Variants in ELK3 observed in about 807,000 individuals in gnomAD.
The protein encoded by ELK3 is ETS domain-containing protein Elk-3.
In ELK3, 10 loss-of-function variants were observed where a neutral mutation model predicts 28.9. The ratio of observed to expected loss-of-function variants is 0.35; its 90% confidence interval spans 0.21 to 0.59. The LOEUF (loss-of-function observed/expected upper bound fraction) is 0.59. Ranked by LOEUF, ELK3 falls within the 20% of genes least tolerant of loss-of-function variation. The probability of loss-of-function intolerance (pLI) is 0.82; values close to 1 mark genes in which losing one functional copy is unlikely to be tolerated. For synonymous variants in ELK3, 272 were observed against 243.5 expected (o/e 1.12, Z -1.09); for missense variants, 463 against 517.3 (o/e 0.90, Z 1.02).
At chr12:96,244,490 G>T (rs1951843141) in intron 2 of ELK3, among the ~76,000 whole-genome samples, 1 of 144,400 alleles carries the variant, frequency 6.9e-6, no homozygotes, top group African/African-American at 2.6e-5. Flanking sequence ...AGTTATTTAA[G>T]ACTTGTTAGA....
chr12:96,238,357 A>C (rs565967687), intron 2 of ELK3, among the ~76,000 whole-genome samples: 39 of 151,592 alleles, frequency 2.6e-4, no homozygotes, highest in Admixed American at 2.1e-3. Context: ...ATGTTCAGTA[A>C]CTTTCCCAAG....
intron 2 of ELK3, among the ~76,000 whole-genome samples, chr12:96,228,824 C>A (rs4762142): frequency 0.93 from 142,316 of 152,254 alleles, 66,581 homozygotes; most frequent in East Asian, 1. Flanking sequence ...TCAACCTCAG[C>A]GTCTCAGTTC....
chr12:96,213,526 A>AC (rs2137007151), intron 1 of ELK3, among the ~76,000 whole-genome samples: 1 of 152,270 alleles, frequency 6.6e-6, no homozygotes, highest in South Asian at 2.1e-4. Flanking sequence ...TGGTTGTAAG[A>AC]CATTTTCTCA....
chr12:96,247,080 G>C lies in ELK3; in HGVS notation c.348G>C (p.Pro116=). 1 of 1,613,756 alleles carries C rather than the reference G, an allele frequency of 6.2e-7. No homozygotes were observed. The highest frequency in any genetic ancestry group is 8.5e-7 in the Non-Finnish European group (1 of 1,179,946). ...LLQDSDCKAS[P]EGREAHKHGL... ...AGGACAGCGACTGCAAGGCGTCTCC[G>C]GAGGGCCGCGAGGCCCACAAACACG... is the stretch of plus-strand genomic sequence containing the variant. The change falls in exon 3 of 5, where the codon CCG becomes CCC. Residue 116 remains proline, a synonymous_variant. Transcript: ENST00000228741. This position sits in a 1 kb window ranked among gnomAD's most constrained non-coding sequence, Gnocchi z 5.5.
At chr12:96,217,072 C>T (rs1388230048) in intron 1 of ELK3, among the ~76,000 whole-genome samples, 1 of 152,166 alleles carries the variant, frequency 6.6e-6, no homozygotes, top group Admixed American at 6.5e-5. Flanking sequence ...GAGCAACATA[C>T]AGAGATGGTC....
rs190164133 is a variant in ELK3 at position 96,250,787 on chromosome 12, G to C, written c.1002+3053G>C. Among the ~76,000 whole-genome samples the C allele has an allele frequency of 2.0e-5, 3 of 152,306 alleles. No individual in the cohort carries two copies. In the East Asian group the frequency reaches 5.8e-4, roughly 29 times the overall value. On this transcript the variant is annotated intron_variant, in intron 3 of 4. Transcript: ENST00000228741. ...ATAAACATTTGATAATCTGTGGGCT[G>C]TCAGCTTTGCTTAGTGGTGGGCTTT...
At chr12:96,236,217 C>T (rs1951782008) in intron 2 of ELK3, among the ~76,000 whole-genome samples, 1 of 152,196 alleles carries the variant, frequency 6.6e-6, no homozygotes, top group Non-Finnish European at 1.5e-5. Context: ...GGAGACAGGA[C>T]TCCAGGTCCA....
rs143037258 is a variant in ELK3 at position 96,248,213 on chromosome 12, C to T, written c.1002+479C>T. On this transcript the variant is annotated intron_variant, in intron 3 of 4. Coordinates refer to ENST00000228741, the MANE Select transcript of ELK3 (RefSeq NM_005230.4). ...TGTCAGTGTGGAGCTGTGGTCATAG[C>T]GTAGGTAATAAGAAACAAAGGGGCC... 9.7e-3 allele frequency among the ~76,000 whole-genome samples: 1,472 copies of T among 152,216 alleles called. 46 individuals carry two copies. Among genetic ancestry groups the T allele is most frequent in the Admixed American group, 0.061 (933 of 15,292 alleles).
At chr12:96,211,362 A>C (rs1222934851) in intron 1 of ELK3, among the ~76,000 whole-genome samples, 1 of 152,146 alleles carries the variant, frequency 6.6e-6, no homozygotes, top group Non-Finnish European at 1.5e-5. Context: ...GAGTTTTATA[A>C]ATCCTGGTGA....
intron 1 of ELK3, among the ~76,000 whole-genome samples, chr12:96,222,608 C>T (rs1381736552): frequency 6.6e-6 from 1 of 152,138 alleles, no homozygotes; most frequent in Non-Finnish European, 1.5e-5. Flanking sequence ...CAAAATAATC[C>T]AGCAAAGTCC....
intron 1 of ELK3, among the ~76,000 whole-genome samples, chr12:96,195,691 T>G (rs1951459678): frequency 6.6e-6 from 1 of 152,236 alleles, no homozygotes; most frequent in Admixed American, 6.5e-5. Context: ...GGAGAGTTTC[T>G]GGCTTGTCTG....
Position 96,246,969 on chromosome 12 carries a change from G to A in ELK3, c.237G>A (p.Lys79=). Residue 79 remains lysine (K), a synonymous_variant, in exon 3 of 5, where the codon AAG becomes AAA. Transcript: ENST00000228741. ...KNIIKKVIGQ[K]FVYKFVSFPE... Reference sequence around the variant, plus strand: ...TCATCAAGAAGGTGATCGGGCAGAAGTTTGTGTACAAGTTTGTCTCTTTCC... The same window carrying A: ...TCATCAAGAAGGTGATCGGGCAGAAATTTGTGTACAAGTTTGTCTCTTTCC... The A allele has an allele frequency of 6.2e-7, 1 of 1,605,164 alleles. No individual in the cohort carries two copies. Among genetic ancestry groups the A allele is most frequent in the Non-Finnish European group, 8.5e-7 (1 of 1,175,076 alleles).
chr12:96,258,477 A>G (rs1397019781), intron 3 of ELK3, among the ~76,000 whole-genome samples: 1 of 152,214 alleles, frequency 6.6e-6, no homozygotes, highest in African/African-American at 2.4e-5. Context: ...GTAATTAATG[A>G]TGCTACGGAG....
chr12:96,213,038 G>A (rs981141938), intron 1 of ELK3, among the ~76,000 whole-genome samples: 2 of 152,168 alleles, frequency 1.3e-5, no homozygotes, highest in Non-Finnish European at 2.9e-5. Flanking sequence ...TGTGTTGGAA[G>A]TGCTGGGTAA....
At chr12:96,258,275 A>G (rs1565792579) in intron 3 of ELK3, among the ~76,000 whole-genome samples, 2 of 152,222 alleles carry the variant, frequency 1.3e-5, no homozygotes, top group East Asian at 3.9e-4. Flanking sequence ...CTTATTCAAA[A>G]CATGTATTTA....
At position 96,246,859 on chromosome 12, in the gene ELK3, G is replaced by C. The variant is rs1307339361; in HGVS notation, c.208-81G>C. 2.2e-5 allele frequency: 32 copies of C among 1,424,966 alleles called. 1 individual carries two copies. Among genetic ancestry groups the C allele is most frequent in the Non-Finnish European group, 5.7e-6 (6 of 1,058,800 alleles). The allele number at this position is 1,424,966 out of a possible 1,614,324, so 88.3% of individuals were successfully genotyped here. A position where few individuals can be genotyped will look rare whatever the true frequency, so the allele number is the denominator to read the frequency against. ...CAGGAACATTTTGGTGCTTCTGCCAGCGACATTTACCATTATCATGAGCTC... is the reference window on the plus strand; with the variant it reads ...CAGGAACATTTTGGTGCTTCTGCCACCGACATTTACCATTATCATGAGCTC... On this transcript the variant is annotated intron_variant, in intron 2 of 4. Transcript: ENST00000228741.
intron 2 of ELK3, among the ~76,000 whole-genome samples, chr12:96,236,786 CAAAT>C (rs2137025843): frequency 6.6e-6 from 1 of 152,320 alleles, no homozygotes; most frequent in African/African-American, 2.4e-5. Flanking sequence ...GCTGCTGTAA[CAAAT>C]GACCCCAAAC....
In ELK3 at chr12:96,240,992, T is replaced by C. The variant is rs562215316; in HGVS notation, c.208-5948T>C. Among the ~76,000 whole-genome samples the C allele has an allele frequency of 3.6e-4, 55 of 152,346 alleles. No homozygotes were observed. In the South Asian group the frequency reaches 3.7e-3, roughly 10 times the overall value. On this transcript the variant is annotated intron_variant, in intron 2 of 4. Transcript: ENST00000228741. ...GGTGAAATTATGGCTCATTAAGCTC[T>C]CACGGGAGGTGTGAGGTTGTATGTA... is the stretch of plus-strand genomic sequence containing the variant.
chr12:96,211,488 TGTGTG>T (rs1156603878), intron 1 of ELK3, among the ~76,000 whole-genome samples: 2 of 3,794 alleles, frequency 5.3e-4, no homozygotes, highest in Non-Finnish European at 9.7e-4. Context: ...ATTGTGTGTT[TGTGTG>T]TGTGTGTGTG....
Sources: allele counts gnomAD v4.1 joint callset (sites outside exome capture counted in the v4.1 genomes callset), GRCh38; gene constraint gnomAD v4.1.1; non-coding constraint Gnocchi (gnomAD v3.1); transcripts MANE v1.5; gene names NCBI Gene and HGNC (gene_info 2026-07-23, HGNC 2026-07-21).